The following LY96 variants were observed in gnomAD, a reference collection of about 807,000 sequenced individuals.
LY96 encodes lymphocyte antigen 96.
LY96 carries 18 observed loss-of-function variants against 18.9 expected under a neutral mutation model. The ratio of observed to expected loss-of-function variants is 0.95; its 90% CI spans 0.66 to 1.41. The LOEUF (loss-of-function observed/expected upper bound fraction) is 1.41. Among genes scored for constraint, LY96 ranks in the 40% most tolerant of loss-of-function variants. The pLI, the probability that LY96 is intolerant of heterozygous loss-of-function variation, is 0.00. For missense variants in LY96, 175 were observed against 182.4 expected (o/e 0.96, Z 0.23); for synonymous variants, 66 against 62.6 (o/e 1.06, Z -0.26).
chr8:74,094,947 G>A, the LY96 span, among the ~76,000 whole-genome samples: 1 of 152,194 alleles, frequency 6.6e-6, no homozygotes, highest in Non-Finnish European at 1.5e-5. Flanking sequence ...CTGGTGATAG[G>A]AGATGATTTT....
At chr8:74,035,585 G>C in the LY96 span, among the ~76,000 whole-genome samples, 4 of 152,144 alleles carry the variant, frequency 2.6e-5, no homozygotes, top group East Asian at 3.9e-4. Context: ...TGACAGGAAG[G>C]GGGGATCAGA....
At chr8:74,040,573 C>T in the LY96 span, among the ~76,000 whole-genome samples, 1 of 152,270 alleles carries the variant, frequency 6.6e-6, no homozygotes, top group South Asian at 2.1e-4. Context: ...TTTCCCAGCA[C>T]CATTTATTAA....
chr8:74,043,941 T>A, the LY96 span, among the ~76,000 whole-genome samples: 3 of 152,128 alleles, frequency 2.0e-5, no homozygotes, highest in Admixed American at 6.6e-5. Flanking sequence ...TCAAGCGATC[T>A]TCCCGTCTTA....
Sources: gnomAD v4.1 joint callset for allele counts (sites outside exome capture counted in the v4.1 genomes callset) on GRCh38, gnomAD v4.1.1 for gene constraint, MANE v1.5 for transcripts, NCBI Gene and HGNC (gene_info 2026-07-23, HGNC 2026-07-21) for gene names.